TENM2: variants seen among roughly 807,000 people sequenced by gnomAD.
TENM2 encodes the protein teneurin transmembrane protein 2.
A neutral mutation model predicts 245.2 loss-of-function variants in TENM2; 52 were observed. The observed-to-expected ratio is 0.21, with a 90% confidence interval of 0.17 to 0.27. The LOEUF (loss-of-function observed/expected upper bound fraction) is 0.27, where lower values mean the gene tolerates loss of function less well. Ranked by LOEUF, TENM2 falls within the 10% of genes least tolerant of loss-of-function variation. The pLI is 1.00. For missense variants in TENM2, 3,046 were observed against 3,666.8 expected, an observed-to-expected ratio of 0.83 and a Z score of 4.37; for synonymous variants, 1,363 against 1,438.9, an observed-to-expected ratio of 0.95 and a Z score of 1.19.
At chr5:167,040,375 G>C in the TENM2 span, among the ~76,000 whole-genome samples, 2 of 152,082 alleles carry the variant, frequency 1.3e-5, no homozygotes, top group Admixed American at 1.3e-4. Flanking sequence ...GAAGGCTGAC[G>C]ATAAAGTCCC....
At chr5:168,229,291 G>C (rs1005775552) in intron 25 of TENM2, among the ~76,000 whole-genome samples, 6 of 151,522 alleles carry the variant, frequency 4.0e-5, no homozygotes, top group African/African-American at 1.2e-4. Context: ...TGACTCACTT[G>C]CCAATATGTC....
At chr5:167,207,048 A>C in the TENM2 span, among the ~76,000 whole-genome samples, 4 of 152,024 alleles carry the variant, frequency 2.6e-5, no homozygotes, top group Non-Finnish European at 5.9e-5. Context: ...TAAAAAAAAA[A>C]CCCAAGGAAA....
chr5:167,856,894 T>C (rs1771145334), intron 2 of TENM2, among the ~76,000 whole-genome samples: 1 of 152,250 alleles, frequency 6.6e-6, no homozygotes, highest in South Asian at 2.1e-4. Flanking sequence ...CTGATGTTGT[T>C]CAACAACTGT....
chr5:167,019,502 G>A, the TENM2 span, among the ~76,000 whole-genome samples: 200 of 151,930 alleles, frequency 1.3e-3, 1 homozygote, highest in African/African-American at 4.2e-3. Flanking sequence ...ACAGAGTCTC[G>A]CTCTGTCGCC....
chr5:167,246,054 C>G, the TENM2 span, among the ~76,000 whole-genome samples: 1 of 152,146 alleles, frequency 6.6e-6, no homozygotes, highest in Non-Finnish European at 1.5e-5. Flanking sequence ...AGTTACTCCT[C>G]CTCTCTTGGG....
the TENM2 span, among the ~76,000 whole-genome samples, chr5:167,084,366 T>TATATATATATATATATATAC: frequency 7.8e-5 from 9 of 114,880 alleles, no homozygotes; most frequent in Admixed American, 4.1e-4. Flanking sequence ...TATATATATA[T>TATATATATATATATATATAC]ACAGATCAGA....
chr5:167,324,111 C>T (rs1756942308), intron 1 of TENM2, among the ~76,000 whole-genome samples: 1 of 152,090 alleles, frequency 6.6e-6, no homozygotes, highest in African/African-American at 2.4e-5. Context: ...ATAATATTTA[C>T]CTTAAAGAGT....
At chr5:168,093,306 G>A (rs1452837019) in intron 8 of TENM2, among the ~76,000 whole-genome samples, 1 of 152,200 alleles carries the variant, frequency 6.6e-6, no homozygotes, top group Admixed American at 6.5e-5. Flanking sequence ...ATTCTCCCAA[G>A]AGGATCTCTC....
chr5:167,641,226 TA>T (rs1160705304), intron 2 of TENM2, among the ~76,000 whole-genome samples: 2 of 152,064 alleles, frequency 1.3e-5, no homozygotes, highest in African/African-American at 4.8e-5. Flanking sequence ...CCTCAAAATC[TA>T]AAAAATTAAA....
chr5:167,697,711 GAC>G (rs1418172477), intron 2 of TENM2, among the ~76,000 whole-genome samples: 1 of 152,146 alleles, frequency 6.6e-6, no homozygotes, highest in African/African-American at 2.4e-5. Context: ...TTTTAGTAGA[GAC>G]AGGGTTTCAC....
At chr5:167,642,162 A>G (rs539729880) in intron 2 of TENM2, among the ~76,000 whole-genome samples, 8 of 147,026 alleles carry the variant, frequency 5.4e-5, no homozygotes, top group South Asian at 4.3e-4. Flanking sequence ...AAAAATATGT[A>G]TATATATATA....
chr5:167,831,406 A>G (rs529704928), intron 2 of TENM2, among the ~76,000 whole-genome samples: 3 of 150,838 alleles, frequency 2.0e-5, no homozygotes, highest in Non-Finnish European at 2.9e-5. Context: ...CCCATGTTAT[A>G]TTCCTAGTGG....
the TENM2 span, among the ~76,000 whole-genome samples, chr5:167,203,959 G>A: frequency 6.6e-6 from 1 of 152,008 alleles, no homozygotes; most frequent in South Asian, 2.1e-4. Context: ...GAGAAAATTT[G>A]GATGCATTAT....
At chr5:167,015,804 A>G in the TENM2 span, among the ~76,000 whole-genome samples, 2 of 151,996 alleles carry the variant, frequency 1.3e-5, no homozygotes, top group African/African-American at 4.8e-5. Flanking sequence ...ACTGTCCCTG[A>G]TTTTCTGGAC....
the TENM2 span, among the ~76,000 whole-genome samples, chr5:167,057,632 A>G: frequency 2.0e-5 from 3 of 152,280 alleles, no homozygotes; most frequent in East Asian, 5.8e-4. Flanking sequence ...ACTCCATGGA[A>G]GGCTAGAGAA....
chr5:167,990,354 C>T (rs1380466756), intron 4 of TENM2, among the ~76,000 whole-genome samples: 1 of 152,182 alleles, frequency 6.6e-6, no homozygotes, highest in Non-Finnish European at 1.5e-5. Flanking sequence ...ATAAAAGCTA[C>T]TCACATGGGC....
At chr5:167,251,983 A>G in the TENM2 span, among the ~76,000 whole-genome samples, 1 of 152,160 alleles carries the variant, frequency 6.6e-6, no homozygotes, top group Non-Finnish European at 1.5e-5. Context: ...CCTGAAGTAT[A>G]TAAAAATTCC....
At chr5:168,193,154 A>C (rs1461784507) in intron 14 of TENM2, among the ~76,000 whole-genome samples, 10 of 152,362 alleles carry the variant, frequency 6.6e-5, no homozygotes, top group Admixed American at 4.6e-4. Context: ...GGCACTTCCC[A>C]AATGAGCCCA....
At chr5:167,072,730 C>T in the TENM2 span, among the ~76,000 whole-genome samples, 1 of 152,134 alleles carries the variant, frequency 6.6e-6, no homozygotes, top group Non-Finnish European at 1.5e-5. Context: ...ATGATATACC[C>T]CACATGCTAT....
Sources: allele counts gnomAD v4.1 joint callset (sites outside exome capture counted in the v4.1 genomes callset), GRCh38; gene constraint gnomAD v4.1.1; transcripts MANE v1.5; gene names NCBI Gene and HGNC (gene_info 2026-07-23, HGNC 2026-07-21).